Variants in GGPS1 observed in about 807,000 individuals in gnomAD.
The protein encoded by GGPS1 is geranylgeranyl diphosphate synthase 1, also known as geranylgeranyl pyrophosphate synthase.
A neutral mutation model predicts 28.1 loss-of-function variants in GGPS1; 15 were observed. The ratio of observed to expected loss-of-function variants is 0.53; its 90% confidence interval spans 0.36 to 0.82. The LOEUF is 0.82. Among genes scored for constraint, GGPS1 ranks in the 40% least tolerant of loss-of-function variants. GGPS1 has a pLI of 0.01. For missense variants in GGPS1, 284 were observed against 348.3 expected (o/e 0.82, Z 1.47); for synonymous variants, 138 against 122.4 (o/e 1.13, Z -0.84).
At chr1:235,336,693 A>T (rs1293468025) in intron 2 of GGPS1, 6 of 152,124 alleles carry the variant, frequency 3.9e-5, no homozygotes. Context: ...AAGCATAAAA[A>T]CCTATTTAGC....
rs374597891 is a variant in GGPS1 at position 235,342,364 on chromosome 1, G to A, written c.495G>A (p.Leu165=). The change falls in exon 4 of 4, where the codon TTG becomes TTA. Residue 165 remains leucine, a synonymous_variant. Coordinates refer to ENST00000282841, the MANE Select transcript of GGPS1 (RefSeq NM_004837.4). The part of the protein sequence containing the change: ...LFGLAVGLMQ[L]FSDYKEDLKP... ...GATTAGCAGTAGGTCTCATGCAGTTGTTCTCTGATTACAAAGAAGATTTAA... is the reference window on the plus strand; with the variant it reads ...GATTAGCAGTAGGTCTCATGCAGTTATTCTCTGATTACAAAGAAGATTTAA... 1.2e-6 allele frequency: 2 copies of A among 1,613,950 alleles called. No homozygotes were observed. Among genetic ancestry groups the A allele is most frequent in the African/African-American group, 1.3e-5 (1 of 74,930 alleles).
In GGPS1 at chr1:235,335,350, C is replaced by T. The variant is rs770005956; in HGVS notation, c.70+16C>T. ...CAGTTACCAGGTAATACTTCACTTACAGTCCATATAGGGTCATTTTCATGC... is the reference window on the plus strand; with the variant it reads ...CAGTTACCAGGTAATACTTCACTTATAGTCCATATAGGGTCATTTTCATGC... On this transcript the variant is annotated intron_variant, in intron 2 of 3. Transcript: ENST00000282841. The T allele has an allele frequency of 2.4e-6, 3 of 1,224,718 alleles. No homozygotes were observed. Among genetic ancestry groups the T allele is most frequent in the Non-Finnish European group, 3.6e-6 (3 of 829,890 alleles). 75.9% of individuals were successfully genotyped at this position (1,224,718 alleles called of 1,614,324 possible).
intron 2 of GGPS1, among the ~76,000 whole-genome samples, chr1:235,338,106 C>G (rs934130925): frequency 6.6e-6 from 1 of 152,020 alleles, no homozygotes; most frequent in African/African-American, 2.4e-5. Context: ...CTCAGCCAGG[C>G]GCGGTGGCTC....
In GGPS1 at chr1:235,342,789, A is replaced by C; in HGVS notation, c.*17A>C. On this transcript the variant is annotated 3_prime_UTR_variant, in exon 4 of 4. Coordinates refer to ENST00000282841, the MANE Select transcript of GGPS1 (RefSeq NM_004837.4). ...AATGAATAATGTTAAGCCATTCTTG[A>C]TTGGACCTCATAGCTTATTTTAGTT... 6.7e-7 allele frequency: 1 copy of C among 1,493,796 alleles called. No homozygotes were observed. The highest frequency in any genetic ancestry group is 9.1e-7 in the Non-Finnish European group (1 of 1,101,368). 92.5% of individuals were successfully genotyped at this position (1,493,796 alleles called of 1,614,324 possible). A position where few individuals can be genotyped will look rare whatever the true frequency, so the allele number is the denominator to read the frequency against.
At chr1:235,338,441 A>AG (rs750185762) in intron 2 of GGPS1, among the ~76,000 whole-genome samples, 1 of 152,124 alleles carries the variant, frequency 6.6e-6, no homozygotes, top group East Asian at 1.9e-4. Context: ...ATGTCATCAG[A>AG]GGGGAAAAAA....
chr1:235,337,563 G>A (rs1266741652), intron 2 of GGPS1, among the ~76,000 whole-genome samples: 3 of 152,046 alleles, frequency 2.0e-5, no homozygotes, highest in African/African-American at 2.4e-5. Context: ...GGTGTGCCAG[G>A]TCATTTATAC....
chr1:235,335,027 C>G (rs915247944), intron 1 of GGPS1, among the ~76,000 whole-genome samples: 1 of 152,150 alleles, frequency 6.6e-6, no homozygotes, highest in Admixed American at 6.5e-5. Flanking sequence ...GTTGCCCAGG[C>G]TGGTCTCGAA....
chr1:235,342,129 C>G lies in GGPS1; in HGVS notation c.260C>G (p.Ser87Cys). 6.2e-7 allele frequency: 1 copy of G among 1,614,110 alleles called. No homozygotes were observed. Among genetic ancestry groups the G allele is most frequent in the Non-Finnish European group, 8.5e-7 (1 of 1,179,944 alleles). ...GCCCACAGCATCTATGGAATCCCAT[C>G]TGTCATCAATTCTGCCAATTACGTG... ...PVAHSIYGIPSVINSANYVYF... is the reference protein window; with the variant it reads ...PVAHSIYGIPCVINSANYVYF... The change falls in exon 4 of 4, where the codon TCT becomes TGT. Residue 87 changes from serine to cysteine, a missense_variant. Physicochemically the swap from Ser to Cys is moderately radical, Grantham distance 112. Transcript: ENST00000282841.
At position 235,337,896 on chromosome 1, in the gene GGPS1, T is replaced by C. The variant is rs376464070; in HGVS notation, c.70+2562T>C. Among the ~76,000 whole-genome samples the C allele has an allele frequency of 3.0e-4, 45 of 152,040 alleles. 1 individual carries two copies. Among genetic ancestry groups the C allele is most frequent in the African/African-American group, 1.0e-3 (43 of 41,482 alleles). On this transcript the variant is annotated intron_variant, in intron 2 of 3. Coordinates refer to ENST00000282841, the MANE Select transcript of GGPS1 (RefSeq NM_004837.4). ...ATTTCTCATACTTGCTGTCATCTTA[T>C]GTTTATGTTTGTTTATTTGCCTTAG...
chr1:235,331,886 A>G (rs74148482), intron 1 of GGPS1, among the ~76,000 whole-genome samples: 4,434 of 152,288 alleles, frequency 0.029, 215 homozygotes, highest in African/African-American at 0.1. Flanking sequence ...AAACAACTGC[A>G]TGACAGAGAC....
chr1:235,341,957 A>G, intron 3 of GGPS1, 54 bp from the exon 4 acceptor site: 1 of 1,142,384 alleles, frequency 8.8e-7, no homozygotes, highest in Non-Finnish European at 1.2e-6. Context: ...TGTTAATTAA[A>G]CTGAGTAAGT....
Position 235,335,636 on chromosome 1 carries a change from C to A in GGPS1, c.70+302C>A, listed in dbSNP as rs539584505. 8.0e-4 allele frequency among the ~76,000 whole-genome samples: 122 copies of A among 152,306 alleles called. 1 individual carries two copies. Among genetic ancestry groups the A allele is most frequent in the African/African-American group, 2.9e-3 (120 of 41,558 alleles). Reference sequence around the variant, plus strand: ...ATCACACCTGTGAATAGCCACTACACTCCAGCTTGGGCAACATAGTGAGAC... The same window carrying A: ...ATCACACCTGTGAATAGCCACTACAATCCAGCTTGGGCAACATAGTGAGAC... On this transcript the variant is annotated intron_variant, in intron 2 of 3. Transcript: ENST00000282841.
At chr1:235,336,432 A>C (rs1675866869) in intron 2 of GGPS1, among the ~76,000 whole-genome samples, 1 of 151,790 alleles carries the variant, frequency 6.6e-6, no homozygotes, top group Admixed American at 6.6e-5. Context: ...ATAAGCAAAA[A>C]CTCATGAATA....
intron 2 of GGPS1, among the ~76,000 whole-genome samples, chr1:235,339,783 T>C (rs1188579048): frequency 6.6e-6 from 1 of 151,376 alleles, no homozygotes; most frequent in African/African-American, 2.4e-5. Context: ...AAGAAAACAG[T>C]ATTTTAGTTT....
At chr1:235,329,368 C>G (rs1675608424) in intron 1 of GGPS1, 2 of 152,264 alleles carry the variant, frequency 1.3e-5, no homozygotes, top group Admixed American at 1.3e-4. Context: ...CGTAGACCTG[C>G]GCCTGGTGAG....
chr1:235,339,533 G>T (rs1289093718), intron 2 of GGPS1, among the ~76,000 whole-genome samples: 2 of 151,994 alleles, frequency 1.3e-5, no homozygotes, highest in Admixed American at 1.3e-4. Flanking sequence ...GCCAACACAG[G>T]TGAATTACCT....
Position 235,342,075 on chromosome 1 carries a change from A to G in GGPS1, c.206A>G (p.Asn69Ser). Residue 69 changes from asparagine to serine, a missense_variant, in exon 4 of 4, where the codon AAC becomes AGC. Coordinates refer to ENST00000282841, the MANE Select transcript of GGPS1 (RefSeq NM_004837.4). Reference protein sequence around the residue: ...ASLLIDDIEDNSKLRRGFPVA... With the variant: ...ASLLIDDIEDSSKLRRGFPVA... ...TTACTCATCGATGATATTGAAGACA[A>G]CTCAAAACTCCGACGTGGCTTTCCA... 6.2e-7 allele frequency: 1 copy of G among 1,611,228 alleles called. No homozygotes were observed. Among genetic ancestry groups the G allele is most frequent in the Non-Finnish European group, 8.5e-7 (1 of 1,177,648 alleles).
intron 1 of GGPS1, chr1:235,330,024 G>C (rs953476065): frequency 1.3e-5 from 2 of 152,172 alleles, no homozygotes; most frequent in African/African-American, 4.8e-5. Context: ...GAAACTAGTA[G>C]AGTTCATGTA....
chr1:235,337,334 C>T (rs2803851), intron 2 of GGPS1, among the ~76,000 whole-genome samples: 103,946 of 151,830 alleles, frequency 0.68, 36,139 homozygotes, highest in South Asian at 0.88. Context: ...CTGTGACTTC[C>T]TTTTTTTTAA....
Sources: allele counts gnomAD v4.1 joint callset (sites outside exome capture counted in the v4.1 genomes callset), GRCh38; gene constraint gnomAD v4.1.1; transcripts MANE v1.5; gene names NCBI Gene and HGNC (gene_info 2026-07-23, HGNC 2026-07-21).